The following KLHL3 variants were observed in gnomAD, a reference collection of about 807,000 sequenced individuals.
KLHL3 encodes kelch like family member 3, also known as kelch-like protein 3.
In KLHL3, 19 loss-of-function variants were observed where a neutral mutation model predicts 70.5. The ratio of observed to expected loss-of-function variants is 0.27; its 90% CI spans 0.19 to 0.40. KLHL3 has a LOEUF of 0.40. Ranked by LOEUF, KLHL3 falls within the 10% of genes least tolerant of loss-of-function variation. The pLI is 1.00. For synonymous variants in KLHL3, 258 were observed against 290.3 expected, an observed-to-expected ratio of 0.89 and a Z score of 1.13; for missense variants, 512 against 771.1, an observed-to-expected ratio of 0.66 and a Z score of 3.98.
At chr5:137,638,844 A>C in intron 10 of KLHL3, 109 bp downstream of exon 10, 27 of 934,552 alleles carry the variant, frequency 2.9e-5, no homozygotes, top group Non-Finnish European at 4.0e-5. Flanking sequence ...TCCCTGGGGC[A>C]GTAGCTACAA....
At chr5:137,653,970 T>C (rs1008675746) in intron 8 of KLHL3, among the ~76,000 whole-genome samples, 6 of 152,194 alleles carry the variant, frequency 3.9e-5, no homozygotes, top group Admixed American at 1.3e-4. Flanking sequence ...AAATGCATTA[T>C]GGTAAGAAAA....
At chr5:137,657,995 G>T in intron 8 of KLHL3, 136 bp downstream of exon 8, 1 of 772,124 alleles carries the variant, frequency 1.3e-6, no homozygotes, top group Non-Finnish European at 2.1e-6. Context: ...GGAACCAGCA[G>T]ACTCCATCTC....
intron 11 of KLHL3, among the ~76,000 whole-genome samples, chr5:137,636,433 C>T (rs1750767815): frequency 6.6e-6 from 1 of 152,222 alleles, no homozygotes; most frequent in Non-Finnish European, 1.5e-5. Context: ...TGTTGTCCTG[C>T]AAATGACAAC....
chr5:137,649,189 C>A (rs148594378), intron 8 of KLHL3, among the ~76,000 whole-genome samples: 50 of 152,362 alleles, frequency 3.3e-4, no homozygotes, highest in African/African-American at 1.2e-3. Context: ...TGTGATACTA[C>A]TACACTCAGA....
rs1554089727 is a variant in KLHL3, at chr5:137,627,488, C to CGCCG, written c.1591+808_1591+809insCGGC. Among the ~76,000 whole-genome samples the CGCCG allele has an allele frequency of 1.1e-4, 10 of 92,400 alleles. 1 individual carries two copies. Among genetic ancestry groups the CGCCG allele is most frequent in the East Asian group, 9.6e-4 (2 of 2,082 alleles). The allele number at this position is 92,400 out of a possible 152,430, so 60.6% of individuals were successfully genotyped here. ...TAGTAAATATCACCACCCCCCCCCC[C>CGCCG]GGTTTACACTTCCAAGTCAGCCACG... is the stretch of plus-strand genomic sequence containing the variant. On this transcript the variant is annotated intron_variant, in intron 13 of 14. Coordinates refer to ENST00000309755, the MANE Select transcript of KLHL3 (RefSeq NM_017415.3).
chr5:137,668,817 T>C (rs2905584), intron 6 of KLHL3, among the ~76,000 whole-genome samples: 29,834 of 152,126 alleles, frequency 0.2, 3,181 homozygotes, highest in African/African-American at 0.27. Flanking sequence ...TCAGCCTTGA[T>C]GAAAATATTT....
intron 1 of KLHL3, among the ~76,000 whole-genome samples, chr5:137,728,487 G>A (rs1753120371): frequency 6.6e-6 from 1 of 152,126 alleles, no homozygotes; most frequent in Non-Finnish European, 1.5e-5. Flanking sequence ...CGTTCAGAGA[G>A]GAGTACTTTC....
chr5:137,720,378 G>T (rs971640565), intron 2 of KLHL3, 87 bp downstream of exon 2: 1 of 1,481,720 alleles, frequency 6.7e-7, no homozygotes, highest in Non-Finnish European at 9.4e-7. Flanking sequence ...TCCCTAGGTG[G>T]TCATGTTCTG....
At chr5:137,691,125 G>A (rs1026549501) in intron 5 of KLHL3, among the ~76,000 whole-genome samples, 18 of 152,144 alleles carry the variant, frequency 1.2e-4, no homozygotes, top group African/African-American at 4.1e-4. Flanking sequence ...TGCAGAGAAT[G>A]TCTCCAAGAA....
At chr5:137,682,786 A>AT (rs1752064514) in intron 5 of KLHL3, among the ~76,000 whole-genome samples, 1 of 152,206 alleles carries the variant, frequency 6.6e-6, no homozygotes, top group Non-Finnish European at 1.5e-5. Flanking sequence ...TAATATCTGT[A>AT]TATACCGAGC....
intron 5 of KLHL3, among the ~76,000 whole-genome samples, chr5:137,683,808 A>G (rs62374068): frequency 0.21 from 32,297 of 151,596 alleles, 3,538 homozygotes; most frequent in Non-Finnish European, 0.24. Context: ...GCACGCGCAC[A>G]CACACACACA....
rs182237098 is a variant in KLHL3 at position 137,706,226 on chromosome 5, T to C, written c.241+3524A>G. The C allele has an allele frequency of 1.2e-4, 119 of 985,338 alleles. No homozygotes were observed. The East Asian group carries it at 7.7e-3, about 64-fold the overall frequency. 61.0% of individuals were successfully genotyped at this position (985,338 alleles called of 1,614,324 possible). A position where few individuals can be genotyped will look rare whatever the true frequency, so the allele number is the denominator to read the frequency against. On this transcript the variant is annotated intron_variant, in intron 3 of 14. Coordinates refer to ENST00000309755, the MANE Select transcript of KLHL3 (RefSeq NM_017415.3). ...CACAACTCAAGTCAGAAGAAAGCCATGTGTATTTTACTTTCCTTTTGGCTT... is the reference window on the plus strand; with the variant it reads ...CACAACTCAAGTCAGAAGAAAGCCACGTGTATTTTACTTTCCTTTTGGCTT...
chr5:137,662,761 G>A (rs1196229394), intron 6 of KLHL3, among the ~76,000 whole-genome samples: 1 of 151,882 alleles, frequency 6.6e-6, no homozygotes, highest in Admixed American at 6.5e-5. Flanking sequence ...GAAACCAGCA[G>A]TGTCTGTAAA....
At chr5:137,629,140 C>T (rs1273111594) in intron 12 of KLHL3, 1 of 152,122 alleles carries the variant, frequency 6.6e-6, no homozygotes, top group African/African-American at 2.4e-5. Flanking sequence ...AGAATTGCTT[C>T]GTTTACAAGT....
chr5:137,658,317 G>T, intron 7 of KLHL3, 37 bp from the exon 8 acceptor site: 1 of 1,608,192 alleles, frequency 6.2e-7, no homozygotes, highest in Non-Finnish European at 8.5e-7. Flanking sequence ...CTGGAGCACA[G>T]CTCAGCCACA....
intron 7 of KLHL3, chr5:137,660,668 C>T (rs867082424): frequency 5.3e-5 from 8 of 152,292 alleles, no homozygotes; most frequent in South Asian, 2.1e-4. Flanking sequence ...TACCAGCAGA[C>T]GAGTTTACAA....
intron 8 of KLHL3, among the ~76,000 whole-genome samples, chr5:137,645,169 T>C (rs1751012483): frequency 6.6e-6 from 1 of 152,066 alleles, no homozygotes; most frequent in South Asian, 2.1e-4. Context: ...TAACTCAACA[T>C]AATAGAGGCC....
At chr5:137,637,259 G>A in intron 11 of KLHL3, 35 bp downstream of exon 11, 3 of 1,570,728 alleles carry the variant, frequency 1.9e-6, no homozygotes, top group Non-Finnish European at 2.6e-6. Context: ...CGTGGGCCAG[G>A]TAGGCCTGGC....
chr5:137,676,247 G>A (rs1751881427), intron 6 of KLHL3, among the ~76,000 whole-genome samples: 2 of 152,200 alleles, frequency 1.3e-5, no homozygotes, highest in Admixed American at 6.5e-5. Context: ...TGGCAGGCAG[G>A]GGTTTGTGAA....
Sources: allele counts gnomAD v4.1 joint callset (sites outside exome capture counted in the v4.1 genomes callset), GRCh38; gene constraint gnomAD v4.1.1; transcripts MANE v1.5; gene names NCBI Gene and HGNC (gene_info 2026-07-23, HGNC 2026-07-21).